Variants in CA8 observed in about 807,000 individuals in gnomAD.
The protein encoded by CA8 is carbonic anhydrase 8 (inactive), also known as carbonic anhydrase-related protein.
Under a neutral mutation model 41.4 loss-of-function variants are expected in CA8, and 22 were observed. That is an observed-to-expected ratio of 0.53 (90% CI 0.38 to 0.76). The LOEUF is 0.76. CA8 is among the 30% of genes least tolerant of loss of function. CA8 has a pLI of 0.00. For missense variants in CA8, 270 were observed against 352.8 expected (o/e 0.77, Z 1.88); for synonymous variants, 121 against 130.6 (o/e 0.93, Z 0.50).
intron 8 of CA8, among the ~76,000 whole-genome samples, chr8:60,201,576 T>TA (rs1351534879): frequency 6.6e-6 from 1 of 152,172 alleles, no homozygotes; most frequent in East Asian, 1.9e-4. Flanking sequence ...AAATGCCCCT[T>TA]AAAAAATGTA....
chr8:60,197,591 C>G (rs1182498346), intron 8 of CA8, among the ~76,000 whole-genome samples: 1 of 152,164 alleles, frequency 6.6e-6, no homozygotes, highest in African/African-American at 2.4e-5. Flanking sequence ...CTGGTGGAAT[C>G]TGAATGAAAC....
intron 3 of CA8, among the ~76,000 whole-genome samples, chr8:60,250,781 T>G (rs1486429426): frequency 6.6e-6 from 1 of 152,192 alleles, no homozygotes; most frequent in Non-Finnish European, 1.5e-5. Flanking sequence ...AAAATAAATT[T>G]CATAACTGTG....
At position 60,188,976 on chromosome 8, in the gene CA8, CAACAAT is replaced by C. The variant is rs1002981997; in HGVS notation, c.*1039_*1044del. On this transcript the variant is annotated 3_prime_UTR_variant, in exon 9 of 9. Coordinates refer to ENST00000317995, the MANE Select transcript of CA8 (RefSeq NM_004056.6). ...GAAGTCATTCATTTTACAATTATAA[CAACAAT>C]AACAATAATATTTATTGTTTGCTTT... is the stretch of plus-strand genomic sequence containing the variant. 2.0e-5 allele frequency: 3 copies of C among 152,108 alleles called. No individual in the cohort carries two copies. The highest frequency in any genetic ancestry group is 6.6e-5 in the Admixed American group (1 of 15,250). 9.4% of individuals were successfully genotyped at this position (152,108 alleles called of 1,614,324 possible).
intron 5 of CA8, among the ~76,000 whole-genome samples, chr8:60,225,709 A>ATGT: frequency 6.6e-6 from 1 of 152,154 alleles, no homozygotes; most frequent in Non-Finnish European, 1.5e-5. Context: ...ATCCTCTGTA[A>ATGT]TTAAACAAGT....
intron 8 of CA8, among the ~76,000 whole-genome samples, chr8:60,198,443 G>A (rs1174560941): frequency 2.6e-5 from 4 of 152,064 alleles, no homozygotes; most frequent in South Asian, 2.1e-4. Flanking sequence ...ATTATAAAAC[G>A]CTAAACTTAG....
At chr8:60,230,436 C>T (rs7013855) in intron 4 of CA8, among the ~76,000 whole-genome samples, 133,302 of 152,158 alleles carry the variant, frequency 0.88, 58,502 homozygotes, top group African/African-American at 0.89. Context: ...ACATCATCGC[C>T]AGTTATTGCC....
intron 2 of CA8, among the ~76,000 whole-genome samples, chr8:60,269,282 C>T (rs2130607523): frequency 6.6e-6 from 1 of 152,206 alleles, no homozygotes; most frequent in Admixed American, 6.5e-5. Context: ...GTAGCCTTTT[C>T]CTACATTTAT....
intron 6 of CA8, among the ~76,000 whole-genome samples, chr8:60,223,545 A>G (rs990247261): frequency 6.6e-6 from 1 of 152,218 alleles, no homozygotes; most frequent in Non-Finnish European, 1.5e-5. Context: ...TCAGTCTCCC[A>G]AAGTGTTGGG....
At chr8:60,260,184 G>A (rs1803683648) in intron 3 of CA8, among the ~76,000 whole-genome samples, 2 of 152,114 alleles carry the variant, frequency 1.3e-5, no homozygotes, top group African/African-American at 4.8e-5. Context: ...CCATTTCTGA[G>A]GTTGTGGCCC....
intron 3 of CA8, among the ~76,000 whole-genome samples, chr8:60,252,306 C>T (rs922228855): frequency 6.6e-6 from 1 of 152,132 alleles, no homozygotes; most frequent in Non-Finnish European, 1.5e-5. Context: ...AAGACACCCC[C>T]AAAAGGGGAG....
chr8:60,218,479 G>C (rs1200872742), intron 7 of CA8, among the ~76,000 whole-genome samples: 1 of 151,954 alleles, frequency 6.6e-6, no homozygotes, highest in African/African-American at 2.4e-5. Flanking sequence ...CATTCCTTCA[G>C]ACTCCACATC....
intron 3 of CA8, among the ~76,000 whole-genome samples, chr8:60,240,510 A>C (rs111866985): frequency 4.6e-5 from 7 of 152,366 alleles, no homozygotes; most frequent in African/African-American, 1.7e-4. Flanking sequence ...GGAGAGAAAT[A>C]ACAGGCTGCT....
chr8:60,246,154 A>G (rs2130536159), intron 3 of CA8, among the ~76,000 whole-genome samples: 1 of 152,336 alleles, frequency 6.6e-6, no homozygotes, highest in East Asian at 1.9e-4. Context: ...TAACAAGTAC[A>G]TACACTGTAC....
intron 7 of CA8, among the ~76,000 whole-genome samples, chr8:60,209,580 T>C (rs1806762382): frequency 1.3e-5 from 2 of 152,214 alleles, no homozygotes; most frequent in Non-Finnish European, 2.9e-5. Context: ...CTTAAATGCT[T>C]TCCAAGTACA....
rs1805969915 is a variant in CA8, at chr8:60,186,529, G to C, written c.*3492C>G. Among the ~76,000 whole-genome samples, 2 of 151,326 alleles carry C rather than the reference G, an allele frequency of 1.3e-5. No homozygotes were observed. The highest frequency in any genetic ancestry group is 1.9e-4 in the East Asian group (1 of 5,172). On this transcript the variant is annotated 3_prime_UTR_variant, in exon 9 of 9. Transcript: ENST00000317995. ...ATACAAGACATGTGGAAAACAAAAA[G>C]TAAAATGGCAGACACAAATCCAACT...
chr8:60,214,352 T>G (rs973912808), intron 7 of CA8, among the ~76,000 whole-genome samples: 2 of 152,142 alleles, frequency 1.3e-5, no homozygotes, highest in Non-Finnish European at 2.9e-5. Context: ...CCTCATGGCC[T>G]AAACACCTCT....
chr8:60,216,665 G>A (rs1257245943), intron 7 of CA8, among the ~76,000 whole-genome samples: 1 of 152,094 alleles, frequency 6.6e-6, no homozygotes, highest in Non-Finnish European at 1.5e-5. Flanking sequence ...CCTAAGGCAC[G>A]ATGGTCTGTC....
intron 2 of CA8, among the ~76,000 whole-genome samples, chr8:60,270,723 G>T (rs966851338): frequency 3.3e-5 from 5 of 152,092 alleles, no homozygotes; most frequent in African/African-American, 1.2e-4. Context: ...GCTCCAAAGG[G>T]TTCATTCTTA....
At chr8:60,224,632 G>T (rs780602348) in intron 5 of CA8, 47 bp from the exon 6 acceptor site, 22 of 1,171,820 alleles carry the variant, frequency 1.9e-5, no homozygotes, top group Non-Finnish European at 2.7e-5. Flanking sequence ...AATATTTCTA[G>T]ATTTTAGAAT....
Sources: gnomAD v4.1 joint callset for allele counts (sites outside exome capture counted in the v4.1 genomes callset) on GRCh38, gnomAD v4.1.1 for gene constraint, MANE v1.5 for transcripts, NCBI Gene and HGNC (gene_info 2026-07-23, HGNC 2026-07-21) for gene names.